The following NDUFAF2 variants were observed in gnomAD, a reference collection of about 807,000 sequenced individuals.
NDUFAF2 encodes NADH:ubiquinone oxidoreductase complex assembly factor 2.
NDUFAF2 carries 13 observed loss-of-function variants against 22.8 expected under a neutral mutation model. That is an observed-to-expected ratio of 0.57 (90% CI 0.37 to 0.91). NDUFAF2 has a LOEUF of 0.91. Among genes scored for constraint, NDUFAF2 ranks in the 40% least tolerant of loss-of-function variants. The probability of loss-of-function intolerance (pLI) is 0.01; values close to 1 mark genes in which losing one functional copy is unlikely to be tolerated. For missense variants in NDUFAF2, 162 were observed against 195.2 expected (o/e 0.83, Z 1.01); for synonymous variants, 53 against 64.2 (o/e 0.83, Z 0.84).
At chr5:61,152,223 T>C (rs1741252449) in intron 3 of NDUFAF2, among the ~76,000 whole-genome samples, 1 of 152,098 alleles carries the variant, frequency 6.6e-6, no homozygotes, top group Non-Finnish European at 1.5e-5. Context: ...AAGGGAAATA[T>C]TAATAGATGA....
intron 1 of NDUFAF2, among the ~76,000 whole-genome samples, chr5:61,050,998 A>G (rs1983484): frequency 0.42 from 63,279 of 152,008 alleles, 14,064 homozygotes; most frequent in East Asian, 0.81. Flanking sequence ...TTTCAAAGGA[A>G]TTGGCTTCAT....
intron 2 of NDUFAF2, among the ~76,000 whole-genome samples, chr5:61,076,426 A>G (rs527773868): frequency 6.6e-6 from 1 of 152,352 alleles, no homozygotes; most frequent in African/African-American, 2.4e-5. Context: ...ATGACTTCTG[A>G]ATAAAAACAG....
At chr5:61,003,207 G>T (rs1037797977) in intron 1 of NDUFAF2, among the ~76,000 whole-genome samples, 1 of 152,094 alleles carries the variant, frequency 6.6e-6, no homozygotes, top group Non-Finnish European at 1.5e-5. Context: ...TGCAATCAAC[G>T]TTTGGAAGGT....
At chr5:61,146,968 C>T (rs1741149296) in intron 3 of NDUFAF2, among the ~76,000 whole-genome samples, 1 of 152,064 alleles carries the variant, frequency 6.6e-6, no homozygotes, top group Admixed American at 6.6e-5. Flanking sequence ...TTCTTTATAA[C>T]AGTTCCCATT....
At chr5:61,149,171 A>G (rs1741191347) in intron 3 of NDUFAF2, among the ~76,000 whole-genome samples, 1 of 152,080 alleles carries the variant, frequency 6.6e-6, no homozygotes, top group Non-Finnish European at 1.5e-5. Flanking sequence ...GGGTTTTGCC[A>G]TGTTGGCCAG....
At chr5:61,013,883 G>A (rs1363457547) in intron 1 of NDUFAF2, among the ~76,000 whole-genome samples, 3 of 152,034 alleles carry the variant, frequency 2.0e-5, no homozygotes, top group East Asian at 3.9e-4. Flanking sequence ...TTATAGACAC[G>A]CTAACTTATA....
chr5:60,971,372 C>T (rs569729231), intron 1 of NDUFAF2, among the ~76,000 whole-genome samples: 13 of 151,748 alleles, frequency 8.6e-5, no homozygotes, highest in East Asian at 3.9e-4. Context: ...CTGCAAGCTC[C>T]GCCTCCCGGG....
intron 1 of NDUFAF2, among the ~76,000 whole-genome samples, chr5:61,047,896 G>T (rs1435081321): frequency 6.6e-6 from 1 of 152,084 alleles, no homozygotes; most frequent in Admixed American, 6.6e-5. Flanking sequence ...TGAAAGGAAA[G>T]CCTTTCTAGC....
At chr5:61,136,121 T>A (rs1370276204) in intron 3 of NDUFAF2, among the ~76,000 whole-genome samples, 2 of 148,988 alleles carry the variant, frequency 1.3e-5, no homozygotes, top group Non-Finnish European at 3.0e-5. Flanking sequence ...CTCTGCTGAA[T>A]TATTTGTTGT....
chr5:61,086,300 T>C (rs1752504910), intron 2 of NDUFAF2, among the ~76,000 whole-genome samples: 1 of 152,178 alleles, frequency 6.6e-6, no homozygotes, highest in South Asian at 2.1e-4. Flanking sequence ...AACAGCCTTT[T>C]TGGAATTGAT....
chr5:61,130,948 AAAGGAAT>A, intron 3 of NDUFAF2, among the ~76,000 whole-genome samples: 1 of 152,284 alleles, frequency 6.6e-6, no homozygotes, highest in Middle Eastern at 3.4e-3. Context: ...GAAGGATAAA[AAAGGAAT>A]ACACGAGAGA....
intron 1 of NDUFAF2, among the ~76,000 whole-genome samples, chr5:60,966,341 T>C (rs1227306640): frequency 1.3e-5 from 2 of 152,180 alleles, no homozygotes; most frequent in Non-Finnish European, 2.9e-5. Context: ...CTCTGTTGAT[T>C]ATTTTGTTGT....
chr5:61,119,503 T>G (rs1031777924), intron 3 of NDUFAF2, among the ~76,000 whole-genome samples: 1 of 152,216 alleles, frequency 6.6e-6, no homozygotes, highest in African/African-American at 2.4e-5. Flanking sequence ...CACAGAAGCA[T>G]GTTTTCAACA....
At chr5:60,951,457 A>G (rs1437151619) in intron 1 of NDUFAF2, among the ~76,000 whole-genome samples, 1 of 152,216 alleles carries the variant, frequency 6.6e-6, no homozygotes, top group Non-Finnish European at 1.5e-5. Flanking sequence ...GCTGCTATAA[A>G]TATTCCTGTG....
chr5:61,009,106 TA>T (rs1005374680), intron 1 of NDUFAF2, among the ~76,000 whole-genome samples: 36 of 152,184 alleles, frequency 2.4e-4, no homozygotes, highest in African/African-American at 9.6e-5. Context: ...TACATTTTTT[TA>T]AAAAATTGAA....
intron 1 of NDUFAF2, among the ~76,000 whole-genome samples, chr5:60,975,915 T>C (rs111790782): frequency 1.9e-3 from 294 of 152,330 alleles, no homozygotes; most frequent in African/African-American, 6.7e-3. Context: ...ATTGATAACA[T>C]TGACAGGAGC....
At chr5:61,063,654 A>AT (rs2111718061) in intron 1 of NDUFAF2, among the ~76,000 whole-genome samples, 1 of 152,298 alleles carries the variant, frequency 6.6e-6, no homozygotes, top group South Asian at 2.1e-4. Context: ...ATGTTGAGTA[A>AT]TTATCAGCTT....
At chr5:61,092,643 G>A (rs897061182) in intron 2 of NDUFAF2, among the ~76,000 whole-genome samples, 1 of 152,138 alleles carries the variant, frequency 6.6e-6, no homozygotes, top group African/African-American at 2.4e-5. Context: ...ACAGGATCAT[G>A]TCATCTGCAA....
At chr5:60,998,718 T>C (rs1251901771) in intron 1 of NDUFAF2, among the ~76,000 whole-genome samples, 1 of 152,084 alleles carries the variant, frequency 6.6e-6, no homozygotes. Flanking sequence ...CTTCCAACAG[T>C]ATTCCACAAA....
Sources: gnomAD v4.1 joint callset for allele counts (sites outside exome capture counted in the v4.1 genomes callset) on GRCh38, gnomAD v4.1.1 for gene constraint, MANE v1.5 for transcripts, NCBI Gene and HGNC (gene_info 2026-07-23, HGNC 2026-07-21) for gene names.